Variants in OR2G6 observed in about 807,000 individuals in gnomAD.
The protein encoded by OR2G6 is olfactory receptor family 2 subfamily G member 6.
For synonymous variants in OR2G6, 183 were observed against 155.2 expected (o/e 1.18, Z -1.33); for missense variants, 457 against 391.3 (o/e 1.17, Z -1.42).
At chr1:248,519,751 G>A (rs992642231) in intron 1 of OR2G6, among the ~76,000 whole-genome samples, 14 of 152,166 alleles carry the variant, frequency 9.2e-5, no homozygotes, top group African/African-American at 2.2e-4. Context: ...AGTATAGTTC[G>A]AAGTCAGGTA....
At chr1:248,520,861 TATATATATAAAA>T (rs1469465717) in intron 1 of OR2G6, among the ~76,000 whole-genome samples, 17 of 135,592 alleles carry the variant, frequency 1.3e-4, no homozygotes, top group African/African-American at 4.0e-4. Flanking sequence ...AAAAAATATA[TATATATATAAAA>T]ATATATATAT....
intron 1 of OR2G6, among the ~76,000 whole-genome samples, chr1:248,520,663 A>G (rs1279505508): frequency 6.6e-6 from 1 of 152,036 alleles, no homozygotes; most frequent in East Asian, 1.9e-4. Context: ...ACTTGAGGTC[A>G]GTTGTTCAAG....
rs1453723873 is a variant in OR2G6 at position 248,523,287 on chromosome 1, CAA to C, written c.*692_*693del. On this transcript the variant is annotated 3_prime_UTR_variant, in exon 2 of 2. Transcript: ENST00000641804. ...TGGCTTATTTACAACACGAGAAACACAAATATTAAGAGTTGTGATGCTTTGGT... is the reference window on the plus strand; with the variant it reads ...TGGCTTATTTACAACACGAGAAACACATATTAAGAGTTGTGATGCTTTGGT... 6.6e-6 allele frequency: 1 copy of C among 152,116 alleles called. No homozygotes were observed. The highest frequency in any genetic ancestry group is 1.5e-5 in the Non-Finnish European group (1 of 68,014). 9.4% of individuals were successfully genotyped at this position (152,116 alleles called of 1,614,324 possible). A position where few individuals can be genotyped will look rare whatever the true frequency, so the allele number is the denominator to read the frequency against.
chr1:248,523,515 T>C lies in OR2G6; in HGVS notation c.*918T>C, dbSNP rs945137103. The C allele has an allele frequency of 2.0e-5, 3 of 152,226 alleles. No homozygotes were observed. Among genetic ancestry groups the C allele is most frequent in the African/African-American group, 7.2e-5 (3 of 41,438 alleles). 9.4% of individuals were successfully genotyped at this position (152,226 alleles called of 1,614,324 possible). A position where few individuals can be genotyped will look rare whatever the true frequency, so the allele number is the denominator to read the frequency against. ...GAAAACAGTTACTTATGTAATTTTA[T>C]ACTTCAAAAATTTGAAATATGAATC... is the stretch of plus-strand genomic sequence containing the variant. On this transcript the variant is annotated 3_prime_UTR_variant, in exon 2 of 2. Coordinates refer to ENST00000641804, the MANE Select transcript of OR2G6 (RefSeq NM_001013355.2).
In OR2G6 at chr1:248,522,334, T is replaced by G; in HGVS notation, c.688T>G (p.Ser230Ala). The change falls in exon 2 of 2, where the codon TCA becomes GCA. Residue 230 changes from serine (S) to alanine (A), a missense_variant. Physicochemically the swap from Ser to Ala is moderately conservative, Grantham distance 99. Coordinates refer to ENST00000641804, the MANE Select transcript of OR2G6 (RefSeq NM_001013355.2). ...CACTCAAGCTGTGTTAAGGATAAAATCAGCTGCGGGCCGCCAAAAGGCCTT... is the reference window on the plus strand; with the variant it reads ...CACTCAAGCTGTGTTAAGGATAAAAGCAGCTGCGGGCCGCCAAAAGGCCTT... Reference protein sequence around the residue: ...FITQAVLRIKSAAGRQKAFGT... With the variant: ...FITQAVLRIKAAAGRQKAFGT... 6.2e-7 allele frequency: 1 copy of G among 1,614,200 alleles called. No homozygotes were observed. The highest frequency in any genetic ancestry group is 8.5e-7 in the Non-Finnish European group (1 of 1,180,036).
In OR2G6 at chr1:248,523,703, T is replaced by C. The variant is rs1664339725; in HGVS notation, c.*1106T>C. 1 of 152,210 alleles carries C rather than the reference T, an allele frequency of 6.6e-6. No individual in the cohort carries two copies. Among genetic ancestry groups the C allele is most frequent in the Admixed American group, 6.5e-5 (1 of 15,276 alleles). 9.4% of individuals were successfully genotyped at this position (152,210 alleles called of 1,614,324 possible). A position where few individuals can be genotyped will look rare whatever the true frequency, so the allele number is the denominator to read the frequency against. ...CTCTATCTCTCTGTGTATCTTTGTG[T>C]GTCTCAGCCTCTTTCTTGCTTTCTT... is the stretch of plus-strand genomic sequence containing the variant. On this transcript the variant is annotated 3_prime_UTR_variant, in exon 2 of 2. Transcript: ENST00000641804.
Position 248,521,947 on chromosome 1 carries a change from C to G in OR2G6, c.301C>G (p.Leu101Val). The change falls in exon 2 of 2, where the codon CTC (leucine) becomes GTC (valine). Residue 101 changes from leucine to valine, a missense_variant. Transcript: ENST00000641804. ...GAGCTACGGTGGCTGTGTGGCCCAG[C>G]TCTATGTGGCCATGGGGTTGGGCTC... ...TMSYGGCVAQ[L>V]YVAMGLGSSE... 1 of 1,614,166 alleles carries G rather than the reference C, an allele frequency of 6.2e-7. No homozygotes were observed. Among genetic ancestry groups the G allele is most frequent in the Non-Finnish European group, 8.5e-7 (1 of 1,180,028 alleles).
chr1:248,520,855 A>ATAT (rs1442513280), intron 1 of OR2G6, among the ~76,000 whole-genome samples: 1 of 90,568 alleles, frequency 1.1e-5, no homozygotes, highest in African/African-American at 5.2e-5. Flanking sequence ...ACTAAAAAAA[A>ATAT]ATATATATAT....
At chr1:248,521,269 G>A (rs1046118471) in intron 1 of OR2G6, among the ~76,000 whole-genome samples, 2 of 151,986 alleles carry the variant, frequency 1.3e-5, no homozygotes, top group Non-Finnish European at 2.9e-5. Context: ...TGCATCAAAA[G>A]GACATTGGGT....
intron 1 of OR2G6, among the ~76,000 whole-genome samples, chr1:248,521,237 T>A (rs1664279885): frequency 6.6e-6 from 1 of 151,936 alleles, no homozygotes; most frequent in Non-Finnish European, 1.5e-5. Flanking sequence ...TATATATATT[T>A]GTATACATAT....
In OR2G6 at chr1:248,522,041, A is replaced by ACATAGCCATTATGCACCC. The variant is rs1664300587; in HGVS notation, c.398_415dup (p.Ile133_Pro138dup). 6.2e-7 allele frequency: 1 copy of ACATAGCCATTATGCACCC among 1,613,970 alleles called. No homozygotes were observed. The highest frequency in any genetic ancestry group is 1.1e-5 in the South Asian group (1 of 91,074). On this transcript the variant is annotated inframe_insertion, in exon 2 of 2. Transcript: ENST00000641804. ...GCTGCTGTCTGCCGGCCACTGCGCT[A>ACATAGCCATTATGCACCC]CATAGCCATTATGCACCCCAGGTTC...
In OR2G6 at chr1:248,522,344, G is replaced by A. The variant is rs376461000; in HGVS notation, c.698G>A (p.Gly233Asp). Residue 233 changes from glycine to aspartate, a missense_variant, in exon 2 of 2, where the codon GGC becomes GAC. Coordinates refer to ENST00000641804, the MANE Select transcript of OR2G6 (RefSeq NM_001013355.2). ...QAVLRIKSAA[G>D]RQKAFGTCSS... Reference sequence around the variant, plus strand: ...GTGTTAAGGATAAAATCAGCTGCGGGCCGCCAAAAGGCCTTTGGGACCTGT... The same window carrying A: ...GTGTTAAGGATAAAATCAGCTGCGGACCGCCAAAAGGCCTTTGGGACCTGT... 2 of 1,614,038 alleles carry A rather than the reference G, an allele frequency of 1.2e-6. No homozygotes were observed. Among genetic ancestry groups the A allele is most frequent in the African/African-American group, 1.3e-5 (1 of 74,914 alleles).
intron 1 of OR2G6, among the ~76,000 whole-genome samples, 193 bp from the exon 2 acceptor site, chr1:248,521,414 GTTGT>G (rs554252082): frequency 5.9e-5 from 9 of 152,076 alleles, no homozygotes; most frequent in Non-Finnish European, 1.3e-4. Context: ...CAATACTTTT[GTTGT>G]TTGAGTAAAA....
intron 1 of OR2G6, among the ~76,000 whole-genome samples, chr1:248,520,195 G>A (rs1347363904): frequency 1.3e-4 from 20 of 152,148 alleles, no homozygotes. Flanking sequence ...AACATCGCAT[G>A]TTCTCATTCA....
rs750595533 is a variant in OR2G6, at chr1:248,521,877, T to G, written c.231T>G (p.Val77=). The G allele has an allele frequency of 1.2e-6, 2 of 1,614,158 alleles. No individual in the cohort carries two copies. The highest frequency in any genetic ancestry group is 1.7e-6 in the Non-Finnish European group (2 of 1,180,016). ...SCVDICFTTS[V]APQLLVTMNK... ...TGGACATCTGCTTTACCACCAGTGTTGCCCCACAGTTGCTGGTTACCATGA... is the reference window on the plus strand; with the variant it reads ...TGGACATCTGCTTTACCACCAGTGTGGCCCCACAGTTGCTGGTTACCATGA... The change falls in exon 2 of 2, where the codon GTT becomes GTG. Residue 77 remains valine, a synonymous_variant. Coordinates refer to ENST00000641804, the MANE Select transcript of OR2G6 (RefSeq NM_001013355.2).
At position 248,524,164 on chromosome 1, in the gene OR2G6, T is replaced by C. The variant is rs1277431029; in HGVS notation, c.*1567T>C. On this transcript the variant is annotated 3_prime_UTR_variant, in exon 2 of 2. Coordinates refer to ENST00000641804, the MANE Select transcript of OR2G6 (RefSeq NM_001013355.2). ...CTGCCTCTCCTACCAAAGCCTGGAC[T>C]GAAGGCAAAATGGCTGCGCACACAA... The C allele has an allele frequency of 6.6e-6, 1 of 152,258 alleles. No individual in the cohort carries two copies. Among genetic ancestry groups the C allele is most frequent in the Admixed American group, 6.5e-5 (1 of 15,268 alleles). The allele number at this position is 152,258 out of a possible 1,614,324, so 9.4% of individuals were successfully genotyped here.
At position 248,522,783 on chromosome 1, in the gene OR2G6, A is replaced by AG. The variant is rs144942040; in HGVS notation, c.*186_*187insG. On this transcript the variant is annotated 3_prime_UTR_variant, in exon 2 of 2. Coordinates refer to ENST00000641804, the MANE Select transcript of OR2G6 (RefSeq NM_001013355.2). ...CCAGACATTCCTCTTGTCAATCCCA[A>AG]AGCCACAGGGACTAGGAAGCATTGG... is the stretch of plus-strand genomic sequence containing the variant. 6.3e-3 allele frequency: 3,547 copies of AG among 563,096 alleles called. 108 individuals are homozygous for AG. Among genetic ancestry groups the AG allele is most frequent in the African/African-American group, 0.058 (3,047 of 52,330 alleles). 34.9% of individuals were successfully genotyped at this position (563,096 alleles called of 1,614,324 possible).
rs994798776 is a variant in OR2G6, at chr1:248,523,562, C to T, written c.*965C>T. On this transcript the variant is annotated 3_prime_UTR_variant, in exon 2 of 2. Transcript: ENST00000641804. ...AATCCCACACACTGTCTCACGTTAA[C>T]GATCATAGTTATATGTTTGGTTTCC... 11 of 152,040 alleles carry T rather than the reference C, an allele frequency of 7.2e-5. No homozygotes were observed. The highest frequency in any genetic ancestry group is 9.7e-5 in the African/African-American group (4 of 41,394). The allele number at this position is 152,040 out of a possible 1,614,324, so 9.4% of individuals were successfully genotyped here. A position where few individuals can be genotyped will look rare whatever the true frequency, so the allele number is the denominator to read the frequency against.
Position 248,521,846 on chromosome 1 carries a change from C to T in OR2G6, c.200C>T (p.Ser67Leu), listed in dbSNP as rs560459259. ...TPMYFFLSNLSCVDICFTTSV... is the reference protein window; with the variant it reads ...TPMYFFLSNLLCVDICFTTSV... ...ATGTACTTCTTCCTCAGCAACCTCTCGTGTGTGGACATCTGCTTTACCACC... is the reference window on the plus strand; with the variant it reads ...ATGTACTTCTTCCTCAGCAACCTCTTGTGTGTGGACATCTGCTTTACCACC... The change falls in exon 2 of 2, where the codon TCG becomes TTG. Residue 67 changes from serine to leucine, a missense_variant. Transcript: ENST00000641804. 9 of 1,614,140 alleles carry T rather than the reference C, an allele frequency of 5.6e-6. No homozygotes were observed. The African/African-American group carries it at 8.0e-5, about 14-fold the overall frequency.
Sources: allele counts gnomAD v4.1 joint callset (sites outside exome capture counted in the v4.1 genomes callset), GRCh38; gene constraint gnomAD v4.1.1; transcripts MANE v1.5; gene names NCBI Gene and HGNC (gene_info 2026-07-23, HGNC 2026-07-21).